Variants in WDR37 observed in about 807,000 individuals in gnomAD.
WDR37 encodes the protein WD repeat domain 37.
In WDR37, 19 loss-of-function variants were observed where a neutral mutation model predicts 62.9. The ratio of observed to expected loss-of-function variants is 0.30; its 90% CI spans 0.21 to 0.44. WDR37 has a LOEUF of 0.44. WDR37 is among the 20% of genes least tolerant of loss of function. The pLI is 1.00. For synonymous variants in WDR37, 250 were observed against 260.9 expected (o/e 0.96, Z 0.40); for missense variants, 474 against 657.6 (o/e 0.72, Z 3.05).
At chr10:1,086,671 A>G (rs1834212479) in intron 7 of WDR37, among the ~76,000 whole-genome samples, 1 of 152,166 alleles carries the variant, frequency 6.6e-6, no homozygotes, top group South Asian at 2.1e-4. Context: ...CAAAATACAT[A>G]TCTGTTTTAG....
intron 2 of WDR37, among the ~76,000 whole-genome samples, chr10:1,077,325 A>C (rs1032995155): frequency 3.9e-5 from 6 of 152,224 alleles, no homozygotes; most frequent in Non-Finnish European, 7.4e-5. Context: ...CTGGGCAGGA[A>C]ATAAAAAGTT....
At chr10:1,115,481 A>G (rs1316650685) in intron 11 of WDR37, among the ~76,000 whole-genome samples, 2 of 152,240 alleles carry the variant, frequency 1.3e-5, no homozygotes, top group Non-Finnish European at 2.9e-5. Context: ...TCAGAAAGGT[A>G]AACACAGTTT....
At chr10:1,119,012 T>C (rs878977979) in intron 11 of WDR37, among the ~76,000 whole-genome samples, 13 of 152,322 alleles carry the variant, frequency 8.5e-5, no homozygotes, top group African/African-American at 2.6e-4. Flanking sequence ...AAATGAACCC[T>C]GAATAAAAGA....
At chr10:1,086,462 A>G in intron 7 of WDR37, 105 bp downstream of exon 7, 1 of 871,888 alleles carries the variant, frequency 1.1e-6, no homozygotes, top group Non-Finnish European at 1.8e-6. Flanking sequence ...AGGAAGCCTT[A>G]CTGTTTCGGT....
chr10:1,090,744 T>G (rs1834357674), intron 7 of WDR37, among the ~76,000 whole-genome samples: 1 of 152,190 alleles, frequency 6.6e-6, no homozygotes, highest in Admixed American at 6.5e-5. Flanking sequence ...TCTCTTTAGA[T>G]TTCAGCTTAA....
intron 11 of WDR37, among the ~76,000 whole-genome samples, chr10:1,120,834 T>G (rs1310916653): frequency 1.3e-5 from 2 of 152,280 alleles, no homozygotes; most frequent in Non-Finnish European, 2.9e-5. Flanking sequence ...CAGATTGTTA[T>G]GCAGAAGCGG....
chr10:1,079,220 G>A lies in WDR37; in HGVS notation c.236-791G>A, dbSNP rs149683159. Among the ~76,000 whole-genome samples, 87 of 150,690 alleles carry A rather than the reference G, an allele frequency of 5.8e-4. No individual in the cohort carries two copies. The East Asian group carries it at 0.017, about 29-fold the overall frequency. Reference sequence around the variant, plus strand: ...ATGCCTCAGCCTCCCAAGTAGCTGGGATCACAGGCACCCACCACCATGCCT... The same window carrying A: ...ATGCCTCAGCCTCCCAAGTAGCTGGAATCACAGGCACCCACCACCATGCCT... On this transcript the variant is annotated intron_variant, in intron 3 of 13. Transcript: ENST00000263150.
At chr10:1,124,863 C>T (rs1256205949) in intron 12 of WDR37, 47 bp from the exon 13 acceptor site, 3 of 1,602,548 alleles carry the variant, frequency 1.9e-6, no homozygotes, top group Non-Finnish European at 2.6e-6. Context: ...CAAAAACTTA[C>T]AGTGTCACTG....
chr10:1,110,780 C>T (rs1424614042), intron 11 of WDR37, among the ~76,000 whole-genome samples: 4 of 152,226 alleles, frequency 2.6e-5, no homozygotes, highest in South Asian at 2.1e-4. Context: ...GCAGTGGCCA[C>T]GGCATCGCCA....
intron 11 of WDR37, among the ~76,000 whole-genome samples, chr10:1,112,970 T>C (rs1287800739): frequency 6.6e-6 from 1 of 152,258 alleles, no homozygotes; most frequent in African/African-American, 2.4e-5. Flanking sequence ...TGAAGATGAC[T>C]ATGTTTAATA....
In WDR37 at chr10:1,084,387, C is replaced by G; in HGVS notation, c.397-16C>G. ...TTCAGTAAATTGTTTCACAAGACTC[C>G]CCATCTTGGTTTCAGATTGTCTCCA... On this transcript the variant is annotated splice_polypyrimidine_tract_variant and intron_variant, in intron 5 of 13. Coordinates refer to ENST00000263150, the MANE Select transcript of WDR37 (RefSeq NM_014023.4). 6.2e-7 allele frequency: 1 copy of G among 1,603,946 alleles called. No individual in the cohort carries two copies. The highest frequency in any genetic ancestry group is 8.5e-7 in the Non-Finnish European group (1 of 1,171,808).
intron 11 of WDR37, among the ~76,000 whole-genome samples, chr10:1,116,731 G>A (rs1438814968): frequency 6.6e-6 from 1 of 152,224 alleles, no homozygotes; most frequent in African/African-American, 2.4e-5. Flanking sequence ...GTGGGCAGCA[G>A]TTGGCGGGAA....
At chr10:1,113,356 G>A (rs1330492396) in intron 11 of WDR37, among the ~76,000 whole-genome samples, 1 of 152,172 alleles carries the variant, frequency 6.6e-6, no homozygotes, top group Non-Finnish European at 1.5e-5. Context: ...GGCTCTGACG[G>A]AGATGTACAA....
chr10:1,086,611 T>A (rs1435850537), intron 7 of WDR37, among the ~76,000 whole-genome samples: 4 of 152,250 alleles, frequency 2.6e-5, no homozygotes, highest in African/African-American at 7.2e-5. Context: ...ATATTGTATA[T>A]AACCCATATG....
In WDR37 at chr10:1,065,640, T is replaced by TCATA. The variant is rs1833515368; in HGVS notation, c.-40-6476_-40-6475insCATA. On this transcript the variant is annotated intron_variant, in intron 1 of 13. Coordinates refer to ENST00000263150, the MANE Select transcript of WDR37 (RefSeq NM_014023.4). Reference sequence around the variant, plus strand: ...CATGATAGAATTCAGCACTCATTCGTGAAAGAAACTCAGAAAATGAATGAT... The same window carrying TCATA: ...CATGATAGAATTCAGCACTCATTCGTCATAGAAAGAAACTCAGAAAATGAATGAT... Among the ~76,000 whole-genome samples, 7 of 151,122 alleles carry TCATA rather than the reference T, an allele frequency of 4.6e-5. No individual in the cohort carries two copies. In the South Asian group the frequency reaches 1.5e-3, roughly 31 times the overall value.
chr10:1,088,110 A>C (rs1052769777), intron 7 of WDR37, among the ~76,000 whole-genome samples: 8 of 152,130 alleles, frequency 5.3e-5, no homozygotes, highest in African/African-American at 1.9e-4. Flanking sequence ...CACAGCCCTC[A>C]GGGAATTGAG....
chr10:1,114,045 C>T (rs1011032750), intron 11 of WDR37, among the ~76,000 whole-genome samples: 1 of 150,224 alleles, frequency 6.7e-6, no homozygotes, highest in Admixed American at 6.7e-5. Context: ...CAACCTCCGC[C>T]TCCCAGGTTC....
chr10:1,099,305 C>T (rs1834710842), intron 9 of WDR37, among the ~76,000 whole-genome samples: 1 of 152,202 alleles, frequency 6.6e-6, no homozygotes, highest in Non-Finnish European at 1.5e-5. Flanking sequence ...GGTGCCTGAA[C>T]AGGTGGGAAC....
intron 13 of WDR37, among the ~76,000 whole-genome samples, chr10:1,126,330 C>T (rs572860243): frequency 2.3e-3 from 342 of 149,866 alleles, no homozygotes; most frequent in Middle Eastern, 3.4e-3. Flanking sequence ...GGCGTGAACC[C>T]AGGAGGCGGA....
Sources: gnomAD v4.1 joint callset for allele counts (sites outside exome capture counted in the v4.1 genomes callset) on GRCh38, gnomAD v4.1.1 for gene constraint, MANE v1.5 for transcripts, NCBI Gene and HGNC (gene_info 2026-07-23, HGNC 2026-07-21) for gene names.